NRG1: variants seen among roughly 807,000 people sequenced by gnomAD.
The protein encoded by NRG1 is pro-neuregulin-1, membrane-bound isoform.
Under a neutral mutation model 63.8 loss-of-function variants are expected in NRG1, and 18 were observed. That is an observed-to-expected ratio of 0.28 (90% CI 0.19 to 0.42). NRG1 has a LOEUF of 0.42. Ranked by LOEUF, NRG1 falls within the 10% of genes least tolerant of loss-of-function variation. The probability of loss-of-function intolerance (pLI) is 1.00; values close to 1 mark genes in which losing one functional copy is unlikely to be tolerated. For missense variants in NRG1, 762 were observed against 814.7 expected (o/e 0.94, Z 0.79); for synonymous variants, 302 against 301.3 (o/e 1.00, Z -0.02).
chr8:32,299,985 T>C (rs1855397668), intron 1 of NRG1, among the ~76,000 whole-genome samples: 1 of 151,870 alleles, frequency 6.6e-6, no homozygotes, highest in South Asian at 2.1e-4. Flanking sequence ...AGGGTTCAGA[T>C]TGAATCATTT....
At chr8:32,663,333 A>G (rs1803339263) in intron 5 of NRG1, among the ~76,000 whole-genome samples, 2 of 152,110 alleles carry the variant, frequency 1.3e-5, no homozygotes, top group African/African-American at 4.8e-5. Flanking sequence ...CTTTGACAGT[A>G]TCCAGTATTT....
intron 1 of NRG1, among the ~76,000 whole-genome samples, chr8:32,593,510 CA>C (rs11346960): frequency 0.33 from 50,760 of 151,678 alleles, 9,676 homozygotes; most frequent in East Asian, 0.76. Context: ...AACAGTTAGC[CA>C]GGGGTGGTAT....
rs1264741858 is a variant in NRG1 at position 32,742,918 on chromosome 8, C to G, written c.691+185C>G. The stretch of plus-strand genomic sequence containing the variant: ...AAGCAATTGTATTACTTCCTCTGTT[C>G]GCGACTAGTTGGCTCTGAGATACTA... On this transcript the variant is annotated intron_variant, in intron 7 of 11. Coordinates refer to ENST00000356819, the Ensembl canonical transcript of NRG1. The surrounding 1 kb of genome is among the most constrained non-coding windows in gnomAD (Gnocchi z 4.2). The G allele has an allele frequency of 2.7e-6, 4 of 1,483,902 alleles. No individual in the cohort carries two copies. Among genetic ancestry groups the G allele is most frequent in the Admixed American group, 2.1e-5 (1 of 46,786 alleles). 91.9% of individuals were successfully genotyped at this position (1,483,902 alleles called of 1,614,324 possible).
intron 1 of NRG1, among the ~76,000 whole-genome samples, chr8:32,381,681 A>T (rs1810375611): frequency 6.6e-6 from 1 of 152,200 alleles, no homozygotes; most frequent in Non-Finnish European, 1.5e-5. Context: ...ACAAATAAAG[A>T]ATGACATGGC....
intron 1 of NRG1, among the ~76,000 whole-genome samples, chr8:32,385,500 T>C (rs944048082): frequency 6.6e-6 from 1 of 152,114 alleles, no homozygotes; most frequent in African/African-American, 2.4e-5. Flanking sequence ...GTATAGGAAG[T>C]ACAGTGGCGT....
intron 1 of NRG1, among the ~76,000 whole-genome samples, chr8:32,392,002 C>A (rs11992840): frequency 0.34 from 51,495 of 151,970 alleles, 9,180 homozygotes; most frequent in Middle Eastern, 0.43. Flanking sequence ...TGGCCACAGG[C>A]TCTGAAGGAA....
intron 1 of NRG1, among the ~76,000 whole-genome samples, chr8:32,058,379 C>T (rs71512608): frequency 6.6e-6 from 1 of 151,892 alleles, no homozygotes; most frequent in Non-Finnish European, 1.5e-5. Flanking sequence ...ACATGCATTG[C>T]ACACAGGAAC....
At chr8:32,251,851 A>C (rs897589301) in intron 1 of NRG1, among the ~76,000 whole-genome samples, 1 of 151,682 alleles carries the variant, frequency 6.6e-6, no homozygotes, top group Admixed American at 6.6e-5. Flanking sequence ...TGATTTTCTC[A>C]TATGTTTGTT....
chr8:32,389,457 TA>T (rs1328000113), intron 1 of NRG1, among the ~76,000 whole-genome samples: 6 of 152,216 alleles, frequency 3.9e-5, no homozygotes, highest in Non-Finnish European at 8.8e-5. Context: ...GCCTCATTTC[TA>T]CATACCTTTC....
rs373221623 is a variant in NRG1 at position 32,109,733 on chromosome 8, C to T, written c.37+470302C>T. Among the ~76,000 whole-genome samples, 18 of 152,166 alleles carry T rather than the reference C, an allele frequency of 1.2e-4. 2 individuals are homozygous for T. The highest frequency in any genetic ancestry group is 6.2e-4 in the South Asian group (3 of 4,806). ...GGAAAATGAAAGTTCCCCTTCAGTT[C>T]CCCTCAATTCAAGAGTAATTGAGAC... On this transcript the variant is annotated intron_variant, in intron 1 of 10. Coordinates refer to the NRG1 transcript ENST00000519301.
At chr8:32,481,620 G>C (rs1825295434) in intron 1 of NRG1, among the ~76,000 whole-genome samples, 1 of 152,230 alleles carries the variant, frequency 6.6e-6, no homozygotes. Flanking sequence ...ACAGCTAATG[G>C]TTGCATTATC....
intron 1 of NRG1, among the ~76,000 whole-genome samples, chr8:32,179,522 G>T (rs2132090713): frequency 6.6e-6 from 1 of 152,302 alleles, no homozygotes; most frequent in South Asian, 2.1e-4. Flanking sequence ...TTGATGTCAT[G>T]TCCATTAAGT....
intron 1 of NRG1, among the ~76,000 whole-genome samples, chr8:31,758,233 C>A (rs62508563): frequency 0.2 from 31,044 of 151,914 alleles, 4,304 homozygotes; most frequent in East Asian, 0.64. Flanking sequence ...CAAAAGGCCC[C>A]GGTGTGTGAT....
chr8:32,136,322 C>G (rs1835517944), intron 1 of NRG1, among the ~76,000 whole-genome samples: 1 of 152,162 alleles, frequency 6.6e-6, no homozygotes, highest in Non-Finnish European at 1.5e-5. Context: ...TCATATCACC[C>G]TGTGAGGAGT....
chr8:31,677,629 C>T (rs1432255403), intron 1 of NRG1, among the ~76,000 whole-genome samples: 1 of 152,114 alleles, frequency 6.6e-6, no homozygotes, highest in Non-Finnish European at 1.5e-5. Flanking sequence ...ATACAGTATA[C>T]TTCCAACAAA....
At chr8:32,704,332 A>G (rs1262874503) in intron 5 of NRG1, among the ~76,000 whole-genome samples, 2 of 152,156 alleles carry the variant, frequency 1.3e-5, no homozygotes, top group Admixed American at 1.3e-4. Context: ...TCCTTTTTTT[A>G]AGAGTTTATA....
intron 1 of NRG1, among the ~76,000 whole-genome samples, chr8:32,006,794 G>A (rs1183085229): frequency 2.0e-5 from 3 of 152,154 alleles, no homozygotes; most frequent in Admixed American, 1.3e-4. Flanking sequence ...CTCCAGATTA[G>A]AGCCCAGTAA....
intron 1 of NRG1, among the ~76,000 whole-genome samples, chr8:32,010,289 G>A (rs892152113): frequency 2.0e-5 from 3 of 152,028 alleles, no homozygotes; most frequent in Non-Finnish European, 4.4e-5. Context: ...AACAATTTAT[G>A]TATTTTGTAA....
intron 5 of NRG1, among the ~76,000 whole-genome samples, chr8:32,671,863 C>T (rs1805727838): frequency 6.6e-6 from 1 of 152,096 alleles, no homozygotes; most frequent in Non-Finnish European, 1.5e-5. Flanking sequence ...ATTAGAAAAT[C>T]ATTATATCCA....
Sources: allele counts gnomAD v4.1 joint callset (sites outside exome capture counted in the v4.1 genomes callset), GRCh38; gene constraint gnomAD v4.1.1; non-coding constraint Gnocchi (gnomAD v3.1); transcripts MANE v1.5; gene names NCBI Gene and HGNC (gene_info 2026-07-23, HGNC 2026-07-21).